Variants in CNTNAP2 observed in about 807,000 individuals in gnomAD.
CNTNAP2 encodes the protein contactin-associated protein-like 2.
Under a neutral mutation model 155.2 loss-of-function variants are expected in CNTNAP2, and 98 were observed. That is an observed-to-expected ratio of 0.63 (90% CI 0.54 to 0.75). The LOEUF is 0.75. Ranked by LOEUF, CNTNAP2 falls within the 30% of genes least tolerant of loss-of-function variation. CNTNAP2 has a pLI of 0.00. For synonymous variants in CNTNAP2, 651 were observed against 631.2 expected (o/e 1.03, Z -0.47); for missense variants, 1,727 against 1,688.1 (o/e 1.02, Z -0.40).
intron 1 of CNTNAP2, among the ~76,000 whole-genome samples, chr7:146,685,289 A>G (rs1486221028): frequency 2.6e-5 from 4 of 152,182 alleles, no homozygotes; most frequent in Non-Finnish European, 5.9e-5. Flanking sequence ...AACCAACAAT[A>G]CATGCAACTT....
chr7:147,785,871 A>C (rs1584954216), intron 13 of CNTNAP2, among the ~76,000 whole-genome samples: 1 of 152,222 alleles, frequency 6.6e-6, no homozygotes, highest in East Asian at 1.9e-4. Context: ...GCAGGGCTGT[A>C]GTCCTAGCTA....
At chr7:146,252,031 T>C (rs1799763628) in intron 1 of CNTNAP2, among the ~76,000 whole-genome samples, 1 of 152,302 alleles carries the variant, frequency 6.6e-6, no homozygotes, top group East Asian at 1.9e-4. Flanking sequence ...TTCACTGGGC[T>C]TTTGATTCCA....
rs752106660 is a variant in CNTNAP2 at position 147,752,881 on chromosome 7, T to C, written c.2098+113575T>C. Among the ~76,000 whole-genome samples, 48 of 152,292 alleles carry C rather than the reference T, an allele frequency of 3.2e-4. 1 individual carries two copies. The highest frequency in any genetic ancestry group is 5.9e-4 in the Non-Finnish European group (40 of 68,016). On this transcript the variant is annotated intron_variant, in intron 13 of 23. Transcript: ENST00000361727. ...TGGAAAACAGTCAGAGGGCATGGCA[T>C]GGAATAGCAAAAAAAGGAAAACCTC...
At chr7:146,506,183 G>A (rs974345206) in intron 1 of CNTNAP2, among the ~76,000 whole-genome samples, 1 of 152,208 alleles carries the variant, frequency 6.6e-6, no homozygotes, top group Non-Finnish European at 1.5e-5. Context: ...TAGGCAAACA[G>A]CAGACTGGTG....
At chr7:146,948,092 A>G (rs1266771251) in intron 3 of CNTNAP2, among the ~76,000 whole-genome samples, 2 of 152,172 alleles carry the variant, frequency 1.3e-5, no homozygotes, top group Admixed American at 6.6e-5. Flanking sequence ...GAAGGTATTC[A>G]TATAAGTTAC....
chr7:148,408,983 G>A lies in CNTNAP2; in HGVS notation c.3716-408G>A, dbSNP rs1332978675. 3.3e-5 allele frequency among the ~76,000 whole-genome samples: 5 copies of A among 152,138 alleles called. No homozygotes were observed. The East Asian group carries it at 9.6e-4, about 29-fold the overall frequency. ...CCTTTTTAAACTTTTTAATACTGTA[G>A]CTGTAAAAAGCTCATCTACAAATAC... On this transcript the variant is annotated intron_variant, in intron 22 of 23. Transcript: ENST00000361727.
intron 1 of CNTNAP2, among the ~76,000 whole-genome samples, chr7:146,449,030 T>C (rs1175339519): frequency 2.6e-5 from 4 of 152,136 alleles, no homozygotes; most frequent in Non-Finnish European, 4.4e-5. Flanking sequence ...CTTTCTTTTC[T>C]GTGTTGCCGA....
At chr7:147,426,445 A>C (rs1375697875) in intron 10 of CNTNAP2, among the ~76,000 whole-genome samples, 4 of 152,158 alleles carry the variant, frequency 2.6e-5, no homozygotes, top group Non-Finnish European at 1.5e-5. Flanking sequence ...CAGGAGCTGT[A>C]CTTGAAGTTT....
At chr7:146,719,204 C>T (rs752813061) in intron 1 of CNTNAP2, among the ~76,000 whole-genome samples, 24 of 152,140 alleles carry the variant, frequency 1.6e-4, no homozygotes, top group East Asian at 5.8e-4. Context: ...TCTGCCCCTT[C>T]GGTCTTGTTT....
chr7:146,929,499 C>T (rs1458357539), intron 3 of CNTNAP2, among the ~76,000 whole-genome samples: 1 of 152,122 alleles, frequency 6.6e-6, no homozygotes, highest in Non-Finnish European at 1.5e-5. Flanking sequence ...AAAAACAGAG[C>T]AGAAAAACTG....
intron 8 of CNTNAP2, among the ~76,000 whole-genome samples, chr7:147,150,408 A>G (rs955592241): frequency 1.3e-5 from 2 of 152,208 alleles, no homozygotes; most frequent in Non-Finnish European, 2.9e-5. Flanking sequence ...GTTAAAAGAA[A>G]AAATGTAGAG....
chr7:146,734,862 T>C (rs556932654), intron 1 of CNTNAP2, among the ~76,000 whole-genome samples: 75 of 152,318 alleles, frequency 4.9e-4, no homozygotes, highest in African/African-American at 1.8e-3. Context: ...AACTGAGTTT[T>C]CCAAAATCCT....
intron 3 of CNTNAP2, among the ~76,000 whole-genome samples, chr7:147,031,255 A>G (rs1279358928): frequency 6.6e-6 from 1 of 152,160 alleles, no homozygotes; most frequent in African/African-American, 2.4e-5. Context: ...TTGGAAAGAA[A>G]AATAATATAT....
At chr7:148,250,519 T>C (rs1796345246) in intron 20 of CNTNAP2, among the ~76,000 whole-genome samples, 1 of 152,206 alleles carries the variant, frequency 6.6e-6, no homozygotes. Context: ...TACAGATTCC[T>C]TCCCACACGA....
intron 13 of CNTNAP2, among the ~76,000 whole-genome samples, chr7:147,891,259 C>T (rs989579603): frequency 2.0e-5 from 3 of 151,392 alleles, no homozygotes; most frequent in Admixed American, 2.0e-4. Context: ...GGCTGGAGCG[C>T]AGTGGTGAGA....
chr7:147,625,288 T>C (rs547378188), intron 12 of CNTNAP2, among the ~76,000 whole-genome samples: 3 of 152,350 alleles, frequency 2.0e-5, no homozygotes, highest in African/African-American at 7.2e-5. Context: ...GCATAAATGC[T>C]TGAGTGGATG....
chr7:146,260,742 T>C (rs1223423707), intron 1 of CNTNAP2, among the ~76,000 whole-genome samples: 1 of 152,248 alleles, frequency 6.6e-6, no homozygotes. Context: ...TAAAGGCTTA[T>C]AGAAGGAAGG....
intron 13 of CNTNAP2, among the ~76,000 whole-genome samples, chr7:147,729,109 C>A (rs556972832): frequency 1.3e-5 from 2 of 151,344 alleles, no homozygotes; most frequent in East Asian, 3.9e-4. Flanking sequence ...TTATTTTGTT[C>A]ATTTTTTGTA....
At chr7:146,923,157 A>G (rs576409091) in intron 3 of CNTNAP2, among the ~76,000 whole-genome samples, 1 of 152,286 alleles carries the variant, frequency 6.6e-6, no homozygotes, top group Admixed American at 6.5e-5. Context: ...AGGAATAATA[A>G]AAGTACTTTC....
Sources: allele counts gnomAD v4.1 joint callset (sites outside exome capture counted in the v4.1 genomes callset), GRCh38; gene constraint gnomAD v4.1.1; transcripts MANE v1.5; gene names NCBI Gene and HGNC (gene_info 2026-07-23, HGNC 2026-07-21).